The following MYOM2 variants were observed in gnomAD, a reference collection of about 807,000 sequenced individuals.
MYOM2 encodes the protein myomesin 2, also known as myomesin-2.
In MYOM2, 254 loss-of-function variants were observed where a neutral mutation model predicts 187.6. That is an observed-to-expected ratio of 1.35 (90% CI 1.22 to 1.50). MYOM2 has a LOEUF of 1.50. Ranked by LOEUF, MYOM2 falls within the 40% of genes most tolerant of loss-of-function variation. The pLI, the probability that MYOM2 is intolerant of heterozygous loss-of-function variation, is 0.00. For missense variants in MYOM2, 2,796 were observed against 1,924.0 expected, an observed-to-expected ratio of 1.45 and a Z score of -8.48; for synonymous variants, 981 against 753.8, an observed-to-expected ratio of 1.30 and a Z score of -4.94.
intron 16 of MYOM2, among the ~76,000 whole-genome samples, chr8:2,092,814 G>A (rs1585891746): frequency 6.6e-6 from 1 of 152,152 alleles, no homozygotes; most frequent in Non-Finnish European, 1.5e-5. Flanking sequence ...TTGAATAGCA[G>A]AGTTAAAAAT....
intron 18 of MYOM2, chr8:2,097,029 T>G (rs890374274): frequency 1.3e-6 from 1 of 742,702 alleles, no homozygotes; most frequent in Non-Finnish European, 1.6e-6. Flanking sequence ...ACCCCTCATC[T>G]GAGCATAGAT....
chr8:2,050,365 CG>C (rs1392903668), intron 1 of MYOM2, among the ~76,000 whole-genome samples: 2 of 152,154 alleles, frequency 1.3e-5, no homozygotes, highest in Non-Finnish European at 2.9e-5. Flanking sequence ...TGGCTCTTAT[CG>C]TATGTTCTCT....
chr8:2,126,473 CACACTCAT>C (rs1286254871), intron 31 of MYOM2, among the ~76,000 whole-genome samples: 1 of 152,192 alleles, frequency 6.6e-6, no homozygotes, highest in South Asian at 2.1e-4. Context: ...TACACACTCA[CACACTCAT>C]ACATGCACAC....
Position 2,116,269 on chromosome 8 carries a change from A to C in MYOM2, c.3379A>C (p.Lys1127Gln). 1.2e-6 allele frequency: 2 copies of C among 1,612,962 alleles called. No individual in the cohort carries two copies. Among genetic ancestry groups the C allele is most frequent in the Non-Finnish European group, 1.7e-6 (2 of 1,179,416 alleles). Residue 1127 changes from lysine to glutamine, a missense_variant, in exon 27 of 37, where the codon AAA (lysine) becomes CAA (glutamine). By Grantham distance (53) the Lys-to-Gln change is moderately conservative. Transcript: ENST00000262113. ...AEFQRKEFLR[K>Q]QGPHFAEYLH... ...GTTTCAAAGGAAAGAATTTCTCAGG[A>C]AACAAGGTGAGTTTCCTCACTCTGA...
intron 11 of MYOM2, 55 bp downstream of exon 11, chr8:2,076,337 T>C (rs1819420479): frequency 1.3e-6 from 2 of 1,583,714 alleles, no homozygotes; most frequent in Non-Finnish European, 1.7e-6. Context: ...AATCTTACCA[T>C]GGACAATATA....
rs139178336 is a variant in MYOM2, at chr8:2,053,648, G to A, written c.263+1335G>A. 9.7e-4 allele frequency among the ~76,000 whole-genome samples: 147 copies of A among 152,322 alleles called. 2 individuals are homozygous for A. The highest frequency in any genetic ancestry group is 3.3e-3 in the African/African-American group (136 of 41,570). On this transcript the variant is annotated intron_variant, in intron 3 of 36. Transcript: ENST00000262113. ...CTAAAACACATTGGTCTATGCTCTT[G>A]CAATACCAAATCTGACTCAAAGAAG...
Position 2,086,404 on chromosome 8 carries a change from CTGCG to C in MYOM2, c.1644+1017_1644+1020del, listed in dbSNP as rs1796060136. On this transcript the variant is annotated intron_variant, in intron 14 of 36. Transcript: ENST00000262113. ...GCGTGGCCTCCCACTGTTGTGATCT[CTGCG>C]TGGCCTCCCACTGTTGTGATCTCTG... Among the ~76,000 whole-genome samples the C allele has an allele frequency of 1.6e-4, 20 of 128,186 alleles. 2 individuals carry two copies. The highest frequency in any genetic ancestry group is 3.7e-4 in the Admixed American group (5 of 13,374). The allele number at this position is 128,186 out of a possible 152,430, so 84.1% of individuals were successfully genotyped here.
rs769446900 is a variant in MYOM2, at chr8:2,144,901, G to A, written c.4318G>A (p.Glu1440Lys). 7.7e-5 allele frequency: 124 copies of A among 1,614,050 alleles called. No individual in the cohort carries two copies. The East Asian group carries it at 2.7e-3, about 35-fold the overall frequency. ...GACAGTGAGCGTGTACAAACACGGGGAGAAGATCCCGGACATGGCCCCGCC... is the reference window on the plus strand; with the variant it reads ...GACAGTGAGCGTGTACAAACACGGGAAGAAGATCCCGGACATGGCCCCGCC... Reference protein sequence around the residue: ...DVTVSVYKHGEKIPDMAPPQQ... With the variant: ...DVTVSVYKHGKKIPDMAPPQQ... The change falls in exon 37 of 37, where the codon GAG becomes AAG. Residue 1440 changes from glutamate to lysine, a missense_variant. By Grantham distance (56) the Glu-to-Lys change is moderately conservative. Transcript: ENST00000262113.
intron 1 of MYOM2, among the ~76,000 whole-genome samples, chr8:2,047,746 C>A (rs564410492): frequency 6.6e-6 from 1 of 152,300 alleles, no homozygotes; most frequent in South Asian, 2.1e-4. Context: ...GGGGAGACTT[C>A]CACAGTAAGG....
In MYOM2 at chr8:2,058,844, C is replaced by T. The variant is rs536348298; in HGVS notation, c.561-309C>T. ...ACACTGCAGCTTAAGTAGGCGGGTCCGGGATCCAGCACCCAGTGTTTCTTA... is the reference window on the plus strand; with the variant it reads ...ACACTGCAGCTTAAGTAGGCGGGTCTGGGATCCAGCACCCAGTGTTTCTTA... On this transcript the variant is annotated intron_variant, in intron 5 of 36. Coordinates refer to ENST00000262113, the MANE Select transcript of MYOM2 (RefSeq NM_003970.4). Among the ~76,000 whole-genome samples, 12 of 152,320 alleles carry T rather than the reference C, an allele frequency of 7.9e-5. No individual in the cohort carries two copies. The South Asian group carries it at 1.9e-3, about 24-fold the overall frequency.
chr8:2,121,699 A>G (rs997496746), intron 28 of MYOM2, among the ~76,000 whole-genome samples: 3 of 148,480 alleles, frequency 2.0e-5, no homozygotes, highest in Non-Finnish European at 3.0e-5. Context: ...TTGTAACTTC[A>G]GAGAAAACCA....
intron 3 of MYOM2, among the ~76,000 whole-genome samples, chr8:2,057,049 G>A (rs539341388): frequency 4.2e-4 from 64 of 152,308 alleles, no homozygotes; most frequent in Admixed American, 3.9e-4. Flanking sequence ...CCTCCAAGCG[G>A]TTTGCAGTTG....
intron 19 of MYOM2, among the ~76,000 whole-genome samples, chr8:2,099,931 A>T (rs1046738072): frequency 6.6e-6 from 1 of 152,194 alleles, no homozygotes; most frequent in Admixed American, 6.5e-5. Flanking sequence ...GCGTCTTTTG[A>T]GTTAGCAAAT....
At chr8:2,120,997 G>A (rs1025283413) in intron 28 of MYOM2, among the ~76,000 whole-genome samples, 3 of 151,936 alleles carry the variant, frequency 2.0e-5, no homozygotes, top group African/African-American at 4.8e-5. Context: ...AAGGTTACTT[G>A]CAAGGAAGCT....
At position 2,105,175 on chromosome 8, in the gene MYOM2, C is replaced by T. The variant is rs146015832; in HGVS notation, c.2735-1067C>T. The stretch of plus-strand genomic sequence containing the variant: ...GGGATCATCCACATCCAAACCACAG[C>T]CCCAGAGTGTGACCTGAGTGTCAGG... On this transcript the variant is annotated intron_variant, in intron 21 of 36. Transcript: ENST00000262113. Among the ~76,000 whole-genome samples the T allele has an allele frequency of 1.7e-3, 253 of 152,250 alleles. 1 individual carries two copies. Among genetic ancestry groups the T allele is most frequent in the African/African-American group, 5.3e-3 (222 of 41,524 alleles).
intron 10 of MYOM2, among the ~76,000 whole-genome samples, chr8:2,074,516 G>A (rs1046181806): frequency 2.0e-5 from 3 of 151,940 alleles, no homozygotes; most frequent in African/African-American, 4.8e-5. Context: ...GTGCAGTGGC[G>A]CGACCTCGGC....
intron 12 of MYOM2, among the ~76,000 whole-genome samples, chr8:2,079,353 G>T (rs2235120): frequency 6.6e-6 from 1 of 151,802 alleles, no homozygotes; most frequent in African/African-American, 2.4e-5. Flanking sequence ...TTTTCCTTAC[G>T]CACATGGTCC....
intron 31 of MYOM2, among the ~76,000 whole-genome samples, chr8:2,125,966 A>C (rs958005187): frequency 1.3e-5 from 2 of 152,050 alleles, no homozygotes; most frequent in African/African-American, 2.4e-5. Flanking sequence ...TTTTGATAAG[A>C]ATTGCATTCA....
At chr8:2,122,858 G>A (rs1053083457) in intron 28 of MYOM2, among the ~76,000 whole-genome samples, 3 of 152,172 alleles carry the variant, frequency 2.0e-5, no homozygotes, top group African/African-American at 4.8e-5. Context: ...TGTTAAAAGA[G>A]CAGCTGCCAA....
Sources: gnomAD v4.1 joint callset for allele counts (sites outside exome capture counted in the v4.1 genomes callset) on GRCh38, gnomAD v4.1.1 for gene constraint, MANE v1.5 for transcripts, NCBI Gene and HGNC (gene_info 2026-07-23, HGNC 2026-07-21) for gene names.